Variants in DNM3 observed in about 807,000 individuals in gnomAD.
DNM3 encodes the protein dynamin 3, also known as dynamin-3.
A neutral mutation model predicts 101.6 loss-of-function variants in DNM3; 47 were observed. The ratio of observed to expected loss-of-function variants is 0.46; its 90% CI spans 0.37 to 0.59. The LOEUF (loss-of-function observed/expected upper bound fraction) is 0.59, where lower values mean the gene tolerates loss of function less well. Among genes scored for constraint, DNM3 ranks in the 20% least tolerant of loss-of-function variants. The pLI is 0.00. For synonymous variants in DNM3, 385 were observed against 387.9 expected (o/e 0.99, Z 0.09); for missense variants, 849 against 1,085.7 (o/e 0.78, Z 3.06).
chr1:172,407,814 C>T lies in DNM3; in HGVS notation c.2565C>T (p.Arg855=). 1 of 1,613,308 alleles carries T rather than the reference C, an allele frequency of 6.2e-7. No homozygotes were observed. The highest frequency in any genetic ancestry group is 8.5e-7 in the Non-Finnish European group (1 of 1,179,374). The change falls in exon 21 of 21, where the codon CGC becomes CGT. Residue 855 remains arginine, a synonymous_variant. Coordinates refer to ENST00000627582, the MANE Select transcript of DNM3 (RefSeq NM_015569.5). ...PPSPTRPTII[R]PLESSLLD is the part of the protein sequence containing the mutation. ...CACCAACTCGTCCCACTATAATCCG[C>T]CCACTAGAATCCTCCCTGTTAGACT...
chr1:172,288,124 T>C (rs758126742), intron 15 of DNM3, among the ~76,000 whole-genome samples: 34 of 152,194 alleles, frequency 2.2e-4, no homozygotes, highest in Non-Finnish European at 2.8e-4. Flanking sequence ...ATGTCCCCTA[T>C]TCTCATGGAA....
chr1:171,969,655 A>C (rs898502828), intron 2 of DNM3, among the ~76,000 whole-genome samples: 1 of 152,188 alleles, frequency 6.6e-6, no homozygotes, highest in Non-Finnish European at 1.5e-5. Context: ...GGTCTCTCCC[A>C]ATGTGCTTCA....
chr1:171,955,874 G>A (rs1201504615), intron 2 of DNM3, among the ~76,000 whole-genome samples: 1 of 152,160 alleles, frequency 6.6e-6, no homozygotes, highest in Non-Finnish European at 1.5e-5. Context: ...TGAAAGTCAT[G>A]TCTTACGTGG....
chr1:172,384,976 T>C (rs1259185628), intron 18 of DNM3, among the ~76,000 whole-genome samples: 1 of 152,162 alleles, frequency 6.6e-6, no homozygotes, highest in Non-Finnish European at 1.5e-5. Flanking sequence ...AATGAAATAT[T>C]CCTAAAGCCA....
intron 11 of DNM3, among the ~76,000 whole-genome samples, chr1:172,079,972 G>A (rs1057341856): frequency 6.6e-6 from 1 of 152,174 alleles, no homozygotes; most frequent in Admixed American, 6.5e-5. Context: ...AGCAAAGATT[G>A]CTGCCTGTTC....
chr1:172,386,891 A>G, intron 18 of DNM3: 1 of 452,336 alleles, frequency 2.2e-6, no homozygotes, highest in Non-Finnish European at 4.1e-6. Flanking sequence ...GCCTTCTTCT[A>G]CTCATCTCTA....
chr1:172,343,606 G>A (rs2066790651), intron 17 of DNM3, among the ~76,000 whole-genome samples: 1 of 152,148 alleles, frequency 6.6e-6, no homozygotes, highest in African/African-American at 2.4e-5. Flanking sequence ...GAGGAGTCGA[G>A]TGCAGTGTGA....
intron 16 of DNM3, chr1:172,311,050 G>A (rs2065056791): frequency 6.6e-6 from 1 of 152,112 alleles, no homozygotes; most frequent in African/African-American, 2.4e-5. Context: ...GATAACAGTA[G>A]TCTTTTATAG....
chr1:171,994,870 G>T (rs2045888467), intron 4 of DNM3, among the ~76,000 whole-genome samples: 1 of 151,906 alleles, frequency 6.6e-6, no homozygotes, highest in Non-Finnish European at 1.5e-5. Context: ...CCCTGTGAAT[G>T]GGGGTTTTTA....
At chr1:172,290,150 A>T (rs555306578) in intron 15 of DNM3, 1 of 332,440 alleles carries the variant, frequency 3.0e-6, no homozygotes, top group Admixed American at 6.5e-5. Flanking sequence ...AATGCTAGGA[A>T]TATATTGGTG....
intron 9 of DNM3, 150 bp downstream of exon 9, chr1:172,044,602 A>C: frequency 1.5e-6 from 1 of 677,502 alleles, no homozygotes; most frequent in Non-Finnish European, 2.5e-6. Flanking sequence ...TTTGGGGTTT[A>C]ATGGTAACTT....
intron 13 of DNM3, among the ~76,000 whole-genome samples, chr1:172,093,153 A>G (rs917283208): frequency 2.0e-5 from 3 of 152,126 alleles, no homozygotes; most frequent in Admixed American, 6.6e-5. Flanking sequence ...TTGCTTGCTT[A>G]CGTTACCCCT....
chr1:172,387,382 G>A, intron 19 of DNM3, 23 bp downstream of exon 19: 8 of 1,592,276 alleles, frequency 5.0e-6, no homozygotes, highest in Non-Finnish European at 6.0e-6. Context: ...CCCCGGCCGG[G>A]TGCGGTGGCT....
In DNM3 at chr1:171,938,845, G is replaced by T. The variant is rs559529253; in HGVS notation, c.235+17024G>T. Among the ~76,000 whole-genome samples, 6 of 152,220 alleles carry T rather than the reference G, an allele frequency of 3.9e-5. No homozygotes were observed. The South Asian group carries it at 1.2e-3, about 32-fold the overall frequency. ...TTTTGAGGGGAAAAAAAGGTAGTTG[G>T]TGCTATCTGGGACTGTCATTCAGAC... On this transcript the variant is annotated intron_variant, in intron 2 of 20. Transcript: ENST00000627582.
At chr1:171,996,248 A>G (rs1361204907) in intron 4 of DNM3, among the ~76,000 whole-genome samples, 1 of 152,174 alleles carries the variant, frequency 6.6e-6, no homozygotes, top group Admixed American at 6.6e-5. Flanking sequence ...TTCAAGGGGA[A>G]TGGCTATATA....
intron 2 of DNM3, among the ~76,000 whole-genome samples, chr1:171,943,141 GA>G (rs2041930927): frequency 6.6e-6 from 1 of 151,900 alleles, no homozygotes; most frequent in Admixed American, 6.6e-5. Flanking sequence ...AATAAAAAAA[GA>G]AAAAGAAAAA....
At chr1:171,928,464 T>C (rs7530758) in intron 2 of DNM3, among the ~76,000 whole-genome samples, 95,138 of 151,732 alleles carry the variant, frequency 0.63, 29,926 homozygotes, top group Middle Eastern at 0.69. Context: ...GGTCAGCAAT[T>C]GCTTAGTGCA....
At chr1:172,184,559 C>G (rs2059457687) in intron 14 of DNM3, among the ~76,000 whole-genome samples, 1 of 152,108 alleles carries the variant, frequency 6.6e-6, no homozygotes, top group South Asian at 2.1e-4. Context: ...AATATGTCCC[C>G]AGGCTAGGTG....
chr1:172,025,326 T>C (rs1003479223), intron 4 of DNM3, among the ~76,000 whole-genome samples: 11 of 152,158 alleles, frequency 7.2e-5, no homozygotes, highest in Non-Finnish European at 1.6e-4. Context: ...ATAAAACTCC[T>C]ATCTTCCTAG....
Sources: allele counts gnomAD v4.1 joint callset (sites outside exome capture counted in the v4.1 genomes callset), GRCh38; gene constraint gnomAD v4.1.1; transcripts MANE v1.5; gene names NCBI Gene and HGNC (gene_info 2026-07-23, HGNC 2026-07-21).